TSFM: variants seen among roughly 807,000 people sequenced by gnomAD.
TSFM encodes the protein Ts translation elongation factor, mitochondrial.
In TSFM, 29 loss-of-function variants were observed where a neutral mutation model predicts 33.4. That is an observed-to-expected ratio of 0.87 (90% CI 0.65 to 1.18). TSFM has a LOEUF of 1.18. Among genes scored for constraint, TSFM ranks in the 50% most tolerant of loss-of-function variants. The pLI is 0.00. For synonymous variants in TSFM, 178 were observed against 163.5 expected, an observed-to-expected ratio of 1.09 and a Z score of -0.68; for missense variants, 394 against 395.6, an observed-to-expected ratio of 1.00 and a Z score of 0.04.
At chr12:57,787,233 A>C in intron 4 of TSFM, 71 bp downstream of exon 4, 1 of 1,424,302 alleles carries the variant, frequency 7.0e-7, no homozygotes, top group Non-Finnish European at 9.6e-7. Flanking sequence ...TTCCTATTGT[A>C]GACATTCTCA....
intron 2 of TSFM, among the ~76,000 whole-genome samples, chr12:57,784,425 A>G (rs962073347): frequency 3.3e-5 from 5 of 152,236 alleles, no homozygotes; most frequent in African/African-American, 1.2e-4. Flanking sequence ...TAATAAGTTA[A>G]CCTTAGTTTA....
chr12:57,802,649 A>G, downstream of TSFM: 1 of 666,058 alleles, frequency 1.5e-6, no homozygotes, highest in East Asian at 2.7e-5. Flanking sequence ...AAGCACCTTA[A>G]AAATAACACC....
chr12:57,797,144 A>C lies in TSFM; in HGVS notation c.*561A>C, dbSNP rs886049734. ...CCTCATTTAATGAAATTAATAACAC[A>C]TGCCCCTATTTCTCTTTTGGATGAT... On this transcript the variant is annotated 3_prime_UTR_variant, in exon 6 of 6. Transcript: ENST00000652027. 2.0e-6 allele frequency: 2 copies of C among 985,404 alleles called. No individual in the cohort carries two copies. Among genetic ancestry groups the C allele is most frequent in the Non-Finnish European group, 2.4e-6 (2 of 829,934 alleles). 61.0% of individuals were successfully genotyped at this position (985,404 alleles called of 1,614,324 possible). A position where few individuals can be genotyped will look rare whatever the true frequency, so the allele number is the denominator to read the frequency against.
At chr12:57,783,836 G>T (rs1161866245) in intron 2 of TSFM, 1 of 637,164 alleles carries the variant, frequency 1.6e-6, no homozygotes, top group South Asian at 1.8e-5. Flanking sequence ...GGCTGGTCTC[G>T]AACTCCTGGC....
At position 57,796,223 on chromosome 12, in the gene TSFM, G is replaced by A; in HGVS notation, c.618G>A (p.Lys206=). The A allele has an allele frequency of 6.2e-7, 1 of 1,606,238 alleles. No homozygotes were observed. Among genetic ancestry groups the A allele is most frequent in the African/African-American group, 1.3e-5 (1 of 74,816 alleles). ...TTCTTAAACGAGCTGCATGGGTGAA[G>A]GTGCCATCTGGGTTCTACGTTGGCT... is the stretch of plus-strand genomic sequence containing the variant. ...NMILKRAAWV[K]VPSGFYVGSY... is the part of the protein sequence containing the mutation. Residue 206 remains lysine (K), a synonymous_variant, in exon 6 of 6, where the codon AAG becomes AAA. Transcript: ENST00000652027.
At chr12:57,784,718 A>G (rs1426330534) in intron 2 of TSFM, among the ~76,000 whole-genome samples, 2 of 150,976 alleles carry the variant, frequency 1.3e-5, no homozygotes, top group African/African-American at 4.9e-5. Context: ...GTCTCTACTA[A>G]AAAAAAATAA....
chr12:57,783,650 A>G (rs957788522), intron 2 of TSFM: 11 of 575,372 alleles, frequency 1.9e-5, no homozygotes, highest in Non-Finnish European at 2.0e-5. Context: ...CCGGCGTGCA[A>G]TGGCACGATG....
chr12:57,796,786 T>A lies in TSFM; in HGVS notation c.*203T>A. 8.3e-7 allele frequency: 1 copy of A among 1,205,242 alleles called. No individual in the cohort carries two copies. Among genetic ancestry groups the A allele is most frequent in the Non-Finnish European group, 1.0e-6 (1 of 972,160 alleles). The allele number at this position is 1,205,242 out of a possible 1,614,324, so 74.7% of individuals were successfully genotyped here. On this transcript the variant is annotated 3_prime_UTR_variant, in exon 6 of 6. Transcript: ENST00000652027. ...CCTTTCAAAAACAACAGGTGGGCCT[T>A]ATTGACGTGATAGTGTCGTGGAGAA...
intron 5 of TSFM, among the ~76,000 whole-genome samples, chr12:57,794,316 C>T (rs1298629093): frequency 6.6e-6 from 1 of 152,178 alleles, no homozygotes; most frequent in African/African-American, 2.4e-5. Context: ...ATGGCTAATC[C>T]AGGCATACTT....
chr12:57,801,742 A>G (rs1443045212), downstream of TSFM, among the ~76,000 whole-genome samples: 1 of 152,140 alleles, frequency 6.6e-6, no homozygotes, highest in African/African-American at 2.4e-5. Flanking sequence ...TTCTGTCTCA[A>G]AAAAAGAAAA....
At chr12:57,788,604 A>G (rs1454712009) in intron 4 of TSFM, among the ~76,000 whole-genome samples, 5 of 151,742 alleles carry the variant, frequency 3.3e-5, no homozygotes, top group African/African-American at 9.7e-5. Context: ...CAGATTTGCC[A>G]TTTATTAACA....
At chr12:57,801,404 C>T, downstream of TSFM, 1 of 473,362 alleles carries the variant, frequency 2.1e-6, no homozygotes, top group Middle Eastern at 4.4e-4. Flanking sequence ...AACGCACATT[C>T]TTTGATGGTA....
At chr12:57,790,251 G>T (rs1163827932) in intron 4 of TSFM, among the ~76,000 whole-genome samples, 1 of 151,864 alleles carries the variant, frequency 6.6e-6, no homozygotes, top group African/African-American at 2.4e-5. Context: ...TGTATTTTCA[G>T]TAGAGACAGG....
chr12:57,799,488 T>TG (rs1450586390), downstream of TSFM, among the ~76,000 whole-genome samples: 1 of 152,166 alleles, frequency 6.6e-6, no homozygotes, highest in Non-Finnish European at 1.5e-5. Flanking sequence ...GGCTGTTGTG[T>TG]GGGGAACGGA....
chr12:57,783,446 C>T (rs1166653149), intron 2 of TSFM, among the ~76,000 whole-genome samples, 163 bp downstream of exon 2: 2 of 152,224 alleles, frequency 1.3e-5, no homozygotes, highest in South Asian at 2.1e-4. Flanking sequence ...TTGACTTTGT[C>T]TTATTTGAAA....
In TSFM at chr12:57,783,962, A is replaced by G. The variant is rs912021662; in HGVS notation, c.231+679A>G. On this transcript the variant is annotated intron_variant, in intron 2 of 5. Coordinates refer to ENST00000652027, the MANE Select transcript of TSFM (RefSeq NM_005726.6). ...TCAGAGTTGTGTAGTTTTTGCCTGT[A>G]CGGTCATGCGTCTCTTAATAGGAAG... 4 of 702,844 alleles carry G rather than the reference A, an allele frequency of 5.7e-6. No homozygotes were observed. The East Asian group carries it at 8.0e-5, about 14-fold the overall frequency. The allele number at this position is 702,844 out of a possible 1,614,324, so 43.5% of individuals were successfully genotyped here.
At chr12:57,791,311 G>A (rs945026459) in intron 4 of TSFM, among the ~76,000 whole-genome samples, 3 of 152,086 alleles carry the variant, frequency 2.0e-5, no homozygotes, top group African/African-American at 7.2e-5. Context: ...CGCCCGGCCG[G>A]CCAGGTTCAA....
At chr12:57,790,205 G>A (rs1456626434) in intron 4 of TSFM, among the ~76,000 whole-genome samples, 1 of 151,952 alleles carries the variant, frequency 6.6e-6, no homozygotes, top group Non-Finnish European at 1.5e-5. Context: ...GAGTAGCTGG[G>A]ATTACAGGCA....
Position 57,796,269 on chromosome 12 carries a change from CAG to C in TSFM, c.667_668del (p.Pro224LeufsTer17). On this transcript the variant is annotated frameshift_variant, in exon 6 of 6. Transcript: ENST00000652027. LOFTEE classifies it high-confidence loss of function. ...YVGSYVHGAM[Q>X]SPSLHKLVLG... ...TGGCTCTTATGTCCACGGAGCAATG[CAG>C]AGTCCCTCACTTCACAAGCTGGTGC... 6.2e-7 allele frequency: 1 copy of C among 1,612,966 alleles called. No homozygotes were observed. The highest frequency in any genetic ancestry group is 2.2e-5 in the East Asian group (1 of 44,870).
Sources: gnomAD v4.1 joint callset for allele counts (sites outside exome capture counted in the v4.1 genomes callset) on GRCh38, gnomAD v4.1.1 for gene constraint, MANE v1.5 for transcripts, NCBI Gene and HGNC (gene_info 2026-07-23, HGNC 2026-07-21) for gene names.